Variants in AP3S2 observed in about 807,000 individuals in gnomAD.
AP3S2 encodes the protein AP-3 complex subunit sigma-2.
A neutral mutation model predicts 23.4 loss-of-function variants in AP3S2; 22 were observed. That is an observed-to-expected ratio of 0.94 (90% CI 0.67 to 1.34). The LOEUF is 1.34. Ranked by LOEUF, AP3S2 falls within the 40% of genes most tolerant of loss-of-function variation. The probability of loss-of-function intolerance (pLI) is 0.00; values close to 1 mark genes in which losing one functional copy is unlikely to be tolerated. For missense variants in AP3S2, 241 were observed against 236.9 expected (o/e 1.02, Z -0.11); for synonymous variants, 86 against 87.1 (o/e 0.99, Z 0.07).
intron 3 of AP3S2, among the ~76,000 whole-genome samples, chr15:89,882,091 G>T (rs12909678): frequency 0.23 from 35,270 of 151,820 alleles, 4,613 homozygotes; most frequent in South Asian, 0.33. Context: ...CAAAGTGCTG[G>T]GGTTACAGGT....
intron 3 of AP3S2, among the ~76,000 whole-genome samples, chr15:89,872,879 C>A (rs568042508): frequency 6.6e-6 from 1 of 152,348 alleles, no homozygotes; most frequent in East Asian, 1.9e-4. Context: ...TTTCTTGAGA[C>A]TGGTAACCAG....
intron 3 of AP3S2, chr15:89,886,466 A>G (rs1268928595): frequency 2.0e-5 from 3 of 152,088 alleles, no homozygotes; most frequent in Non-Finnish European, 4.4e-5. Context: ...TTCTCTTTTA[A>G]AAAATTTTCT....
chr15:89,856,625 C>G (rs1339855048), intron 4 of AP3S2, among the ~76,000 whole-genome samples: 2 of 149,604 alleles, frequency 1.3e-5, no homozygotes, highest in Non-Finnish European at 3.0e-5. Context: ...TTGCTTGAAT[C>G]CAGGAGGCAG....
rs761913015 is a variant in AP3S2, at chr15:89,831,466, T to C, written c.*4049A>G. Reference sequence around the variant, plus strand: ...TACTTCAGAGGCTCTCCAGTTTGGCTATTGCTAAACTTGGACTAGCCCCTA... The same window carrying C: ...TACTTCAGAGGCTCTCCAGTTTGGCCATTGCTAAACTTGGACTAGCCCCTA... On this transcript the variant is annotated 3_prime_UTR_variant, in exon 6 of 6. Coordinates refer to ENST00000336418, the MANE Select transcript of AP3S2 (RefSeq NM_005829.5). 2.6e-5 allele frequency: 4 copies of C among 152,256 alleles called. No individual in the cohort carries two copies. Among genetic ancestry groups the C allele is most frequent in the Non-Finnish European group, 4.4e-5 (3 of 68,048 alleles). 9.4% of individuals were successfully genotyped at this position (152,256 alleles called of 1,614,324 possible). A position where few individuals can be genotyped will look rare whatever the true frequency, so the allele number is the denominator to read the frequency against.
chr15:89,839,796 G>A (rs1895283427), intron 4 of AP3S2, among the ~76,000 whole-genome samples: 1 of 151,984 alleles, frequency 6.6e-6, no homozygotes. Flanking sequence ...TCAACAAAAT[G>A]TGCCATAGAA....
intron 4 of AP3S2, among the ~76,000 whole-genome samples, chr15:89,846,396 C>T (rs1015984778): frequency 5.3e-5 from 8 of 152,014 alleles, no homozygotes; most frequent in African/African-American, 1.4e-4. Context: ...CTCACTCTGT[C>T]GCCCAGGATG....
intron 4 of AP3S2, among the ~76,000 whole-genome samples, chr15:89,858,521 GAGAGAAAGAAAGAAAGAA>G (rs1567178796): frequency 8.6e-4 from 43 of 50,220 alleles, no homozygotes; most frequent in African/African-American, 2.8e-3. Flanking sequence ...GAGAGAGAGA[GAGAGAAAGAAAGAAAGAA>G]AGAAAGAAAG....
At position 89,858,481 on chromosome 15, in the gene AP3S2, AAGAAAGAAAGAAAGAGAGAG is replaced by A. The variant is rs1486662779; in HGVS notation, c.345+12974_345+12993del. On this transcript the variant is annotated intron_variant, in intron 4 of 5. Coordinates refer to ENST00000336418, the MANE Select transcript of AP3S2 (RefSeq NM_005829.5). The stretch of plus-strand genomic sequence containing the variant: ...AAAGAAAGAAAGAAAGAAAGAAAGA[AAGAAAGAAAGAAAGAGAGAG>A]AGAGAGAGAGAGAGAGAGAGAGAGA... Among the ~76,000 whole-genome samples the A allele has an allele frequency of 8.2e-3, 299 of 36,266 alleles. 2 individuals are homozygous for A. The highest frequency in any genetic ancestry group is 0.023 in the African/African-American group (277 of 12,146). 23.8% of individuals were successfully genotyped at this position (36,266 alleles called of 152,430 possible).
Position 89,888,638 on chromosome 15 carries a change from G to A in AP3S2, c.162-6C>T. 1 of 1,612,916 alleles carries A rather than the reference G, an allele frequency of 6.2e-7. No homozygotes were observed. The highest frequency in any genetic ancestry group is 1.1e-5 in the South Asian group (1 of 90,992). ...AGTCAGAGCCACCAATCAAACTGCA[G>A]AAGATGGGAAACATTTAAATGCCCA... On this transcript the variant is annotated splice_region_variant and splice_polypyrimidine_tract_variant and intron_variant, in intron 2 of 5. Coordinates refer to ENST00000336418, the MANE Select transcript of AP3S2 (RefSeq NM_005829.5).
intron 4 of AP3S2, among the ~76,000 whole-genome samples, chr15:89,853,634 G>A (rs909234678): frequency 1.5e-4 from 21 of 140,314 alleles, no homozygotes; most frequent in African/African-American, 4.6e-4. Flanking sequence ...GAGCGTCTCC[G>A]CCCGGCCGCC....
intron 4 of AP3S2, chr15:89,848,852 C>A (rs1469276432): frequency 6.6e-6 from 1 of 152,160 alleles, no homozygotes; most frequent in Admixed American, 6.5e-5. Context: ...GGCCCAGAGT[C>A]AGACTCTAGT....
intron 4 of AP3S2, among the ~76,000 whole-genome samples, chr15:89,840,335 G>A (rs1207771254): frequency 6.6e-6 from 1 of 152,104 alleles, no homozygotes; most frequent in Non-Finnish European, 1.5e-5. Context: ...AGTACTTGTT[G>A]AGTATCTATT....
intron 3 of AP3S2, among the ~76,000 whole-genome samples, chr15:89,885,898 A>G (rs1486865045): frequency 6.7e-6 from 1 of 149,758 alleles, no homozygotes; most frequent in Non-Finnish European, 1.5e-5. Context: ...CTGTGATCAC[A>G]CTACTGCACT....
chr15:89,889,127 TG>T lies in AP3S2; in HGVS notation c.82del (p.Gln28AsnfsTer11), dbSNP rs1896762433. 6.2e-7 allele frequency: 1 copy of T among 1,614,212 alleles called. No individual in the cohort carries two copies. Among genetic ancestry groups the T allele is most frequent in the East Asian group, 2.2e-5 (1 of 44,874 alleles). On this transcript the variant is annotated frameshift_variant, in exon 2 of 6. Coordinates refer to ENST00000336418, the MANE Select transcript of AP3S2 (RefSeq NM_005829.5). LOFTEE classifies it high-confidence loss of function. Reference sequence around the variant, plus strand: ...GAAAGTCTCTCGAACAATCTGCTGTTGAATTTCTTCTGGCTATGAAACAAAA... The same window carrying T: ...GAAAGTCTCTCGAACAATCTGCTGTTAATTTCTTCTGGCTATGAAACAAAA... The part of the protein sequence containing the change: ...RFYQRFPEEI[Q>X]QQIVRETFHL...
chr15:89,840,530 C>T (rs1336357498), intron 4 of AP3S2, among the ~76,000 whole-genome samples: 2 of 152,110 alleles, frequency 1.3e-5, no homozygotes, highest in South Asian at 4.2e-4. Flanking sequence ...TGGGTTCAAG[C>T]GATTCTCCCA....
chr15:89,836,604 A>T (rs1895197488), intron 5 of AP3S2, among the ~76,000 whole-genome samples: 2 of 152,100 alleles, frequency 1.3e-5, no homozygotes, highest in Non-Finnish European at 1.5e-5. Flanking sequence ...TGGCAGGCTC[A>T]CCCCCACGTG....
intron 3 of AP3S2, among the ~76,000 whole-genome samples, chr15:89,871,804 C>T (rs923323619): frequency 1.3e-5 from 2 of 152,034 alleles, no homozygotes; most frequent in Non-Finnish European, 1.5e-5. Context: ...GGCTCTTTCC[C>T]CCTTTATAAG....
rs926210519 is a variant in AP3S2, at chr15:89,837,595, G to C, written c.453+20C>G. 5 of 1,613,996 alleles carry C rather than the reference G, an allele frequency of 3.1e-6. No homozygotes were observed. Among genetic ancestry groups the C allele is most frequent in the Non-Finnish European group, 3.4e-6 (4 of 1,179,924 alleles). ...GGTTTTCTCTACCCAGCCAGGGCTA[G>C]AGCACAGCTGCTTACTCACCTCGGA... is the stretch of plus-strand genomic sequence containing the variant. On this transcript the variant is annotated intron_variant, in intron 5 of 5. Coordinates refer to ENST00000336418, the MANE Select transcript of AP3S2 (RefSeq NM_005829.5).
rs920510361 is a variant in AP3S2 at position 89,837,640 on chromosome 15, G to A, written c.428C>T (p.Ala143Val). Residue 143 changes from alanine to valine, a missense_variant, in exon 5 of 6, where the codon GCT (alanine) becomes GTT (valine). By Grantham distance (64) the Ala-to-Val change is moderately conservative (BLOSUM62 0). Coordinates refer to ENST00000336418, the MANE Select transcript of AP3S2 (RefSeq NM_005829.5). ...NMNEIVAQIE[A>V]QNRLEKSEGG... ...CTCGGATTTCTCCAGCCTGTTTTGA[G>A]CCTCAATCTGAGCCACGATTTCATT... 2.5e-6 allele frequency: 4 copies of A among 1,614,004 alleles called. No individual in the cohort carries two copies. The African/African-American group carries it at 4.0e-5, about 16-fold the overall frequency.
Sources: gnomAD v4.1 joint callset for allele counts (sites outside exome capture counted in the v4.1 genomes callset) on GRCh38, gnomAD v4.1.1 for gene constraint, MANE v1.5 for transcripts, NCBI Gene and HGNC (gene_info 2026-07-23, HGNC 2026-07-21) for gene names.